ITIH2: variants seen among roughly 807,000 people sequenced by gnomAD.
ITIH2 encodes inter-alpha-trypsin inhibitor heavy chain 2, also known as inter-alpha-trypsin inhibitor heavy chain H2.
A neutral mutation model predicts 104.4 loss-of-function variants in ITIH2; 103 were observed. That is an observed-to-expected ratio of 0.99 (90% CI 0.84 to 1.16). The LOEUF (loss-of-function observed/expected upper bound fraction) is 1.16. ITIH2 is among the 50% of genes most tolerant of loss of function. ITIH2 has a pLI of 0.00. For synonymous variants in ITIH2, 436 were observed against 435.4 expected (o/e 1.00, Z -0.02); for missense variants, 1,108 against 1,162.4 (o/e 0.95, Z 0.68).
chr10:7,706,116 AT>A (rs901616882), intron 2 of ITIH2, among the ~76,000 whole-genome samples: 113 of 151,728 alleles, frequency 7.4e-4, no homozygotes, highest in Non-Finnish European at 1.4e-3. Context: ...AAAATCCAGG[AT>A]TTTTTTTTGT....
At chr10:7,703,563 C>G (rs767561816) in intron 1 of ITIH2, 45 bp downstream of exon 1, 2 of 1,170,850 alleles carry the variant, frequency 1.7e-6, no homozygotes, top group African/African-American at 3.0e-5. Context: ...TGTTCATGAG[C>G]TCAGTAAATC....
chr10:7,705,071 TA>T (rs113278189), intron 1 of ITIH2, 36 bp from the exon 2 acceptor site: 101,077 of 936,090 alleles, frequency 0.11, 171 homozygotes, highest in South Asian at 0.12. Flanking sequence ...ACAGTATAAT[TA>T]AAAAAAAAAA....
Position 7,709,060 on chromosome 10 carries a change from C to A in ITIH2, c.231C>A (p.Val77=), listed in dbSNP as rs200683133. ...VDQVTLYSYK[V]QSTITSRMAT... The stretch of plus-strand genomic sequence containing the variant: ...AAGTAACTCTTTATAGCTATAAAGT[C>A]CAGTCTACTATTACTTCTCGGATGG... The change falls in exon 4 of 21, where the codon GTC becomes GTA. Residue 77 remains valine, a synonymous_variant. Transcript: ENST00000358415. The A allele has an allele frequency of 5.0e-6, 8 of 1,613,864 alleles. No homozygotes were observed. Among genetic ancestry groups the A allele is most frequent in the Non-Finnish European group, 6.8e-6 (8 of 1,179,846 alleles).
chr10:7,717,332 G>C (rs1489897159), intron 5 of ITIH2, among the ~76,000 whole-genome samples: 1 of 152,196 alleles, frequency 6.6e-6, no homozygotes, highest in Non-Finnish European at 1.5e-5. Flanking sequence ...AATGATAGAT[G>C]TCAAATTCCT....
At chr10:7,735,935 A>G (rs1352743043) in intron 15 of ITIH2, among the ~76,000 whole-genome samples, 1 of 152,064 alleles carries the variant, frequency 6.6e-6, no homozygotes, top group Non-Finnish European at 1.5e-5. Flanking sequence ...GGCCTCCCAA[A>G]GTGCTGGGGT....
At position 7,749,477 on chromosome 10, in the gene ITIH2, A is replaced by T; in HGVS notation, c.*143A>T. The T allele has an allele frequency of 1.5e-6, 1 of 659,300 alleles. No individual in the cohort carries two copies. The highest frequency in any genetic ancestry group is 2.5e-6 in the Non-Finnish European group (1 of 395,516). 40.8% of individuals were successfully genotyped at this position (659,300 alleles called of 1,614,324 possible). Reference sequence around the variant, plus strand: ...TGAACCAGATATCAGGGTGGTTTATAAAGCCTGTAAACACACCTAAGAAAA... The same window carrying T: ...TGAACCAGATATCAGGGTGGTTTATTAAGCCTGTAAACACACCTAAGAAAA... On this transcript the variant is annotated 3_prime_UTR_variant, in exon 21 of 21. Transcript: ENST00000358415.
chr10:7,743,598 A>AC (rs898793629), intron 17 of ITIH2, among the ~76,000 whole-genome samples: 6 of 151,476 alleles, frequency 4.0e-5, no homozygotes, highest in Non-Finnish European at 5.9e-5. Context: ...AAATGATGAA[A>AC]CCCCACCCCC....
chr10:7,726,219 G>A (rs1834950212), intron 9 of ITIH2, among the ~76,000 whole-genome samples: 1 of 152,158 alleles, frequency 6.6e-6, no homozygotes, highest in Non-Finnish European at 1.5e-5. Context: ...AGAAAGCTGA[G>A]AAATGAAGAA....
In ITIH2 at chr10:7,723,647, C is replaced by A; in HGVS notation, c.984+80C>A. 4.5e-6 allele frequency: 4 copies of A among 893,150 alleles called. No individual in the cohort carries two copies. In the Admixed American group the frequency reaches 6.9e-5, roughly 15 times the overall value. 55.3% of individuals were successfully genotyped at this position (893,150 alleles called of 1,614,324 possible). A position where few individuals can be genotyped will look rare whatever the true frequency, so the allele number is the denominator to read the frequency against. On this transcript the variant is annotated intron_variant, in intron 9 of 20. Coordinates refer to ENST00000358415, the MANE Select transcript of ITIH2 (RefSeq NM_002216.3). ...CCTCCTAAAAATGCAATCATTCTAT[C>A]CCTCCTCCCTGCTTAGGGCTGAAGC... is the stretch of plus-strand genomic sequence containing the variant.
chr10:7,734,213 G>A (rs896470449), intron 14 of ITIH2, among the ~76,000 whole-genome samples: 5 of 152,150 alleles, frequency 3.3e-5, no homozygotes, highest in Admixed American at 2.6e-4. Flanking sequence ...TGGACTCTGC[G>A]TGATAATGAT....
Position 7,731,955 on chromosome 10 carries a change from G to A in ITIH2, c.1606G>A (p.Ala536Thr), listed in dbSNP as rs1468031435. 1 of 1,613,924 alleles carries A rather than the reference G, an allele frequency of 6.2e-7. No individual in the cohort carries two copies. Residue 536 changes from alanine (A) to threonine (T), a missense_variant, in exon 13 of 21, where the codon GCT becomes ACT. Physicochemically the swap from Ala to Thr is moderately conservative, Grantham distance 58. Transcript: ENST00000358415. ...TGTGGTGGCAGGAAAATTTGACCCT[G>A]CTAAATTGGATCAAATAGAGAGCGT... ...EIVVAGKFDP[A>T]KLDQIESVIT...
chr10:7,734,777 T>C, intron 14 of ITIH2, 145 bp from the exon 15 acceptor site: 1 of 623,026 alleles, frequency 1.6e-6, no homozygotes, highest in Non-Finnish European at 2.8e-6. Flanking sequence ...TCGAAGCCAG[T>C]GAGTTCTGTT....
chr10:7,704,868 C>T (rs930673331), intron 1 of ITIH2, among the ~76,000 whole-genome samples: 1 of 148,926 alleles, frequency 6.7e-6, no homozygotes, highest in African/African-American at 2.5e-5. Flanking sequence ...GGGAGTCGAA[C>T]AACGAGAACA....
At chr10:7,742,511 T>G (rs372216706) in intron 16 of ITIH2, among the ~76,000 whole-genome samples, 14 of 152,236 alleles carry the variant, frequency 9.2e-5, no homozygotes, top group African/African-American at 2.6e-4. Context: ...GAGGCTGAGA[T>G]GGGTGGATCA....
At chr10:7,731,231 A>G (rs1588457537) in intron 12 of ITIH2, among the ~76,000 whole-genome samples, 1 of 148,612 alleles carries the variant, frequency 6.7e-6, no homozygotes, top group African/African-American at 2.4e-5. Flanking sequence ...GCTGACTTTT[A>G]TCATAAGTTT....
intron 3 of ITIH2, among the ~76,000 whole-genome samples, chr10:7,708,609 C>T (rs1447787565): frequency 1.3e-5 from 2 of 152,152 alleles, no homozygotes; most frequent in Non-Finnish European, 2.9e-5. Context: ...GTGACCCCTA[C>T]TAAAGATACA....
At chr10:7,723,116 G>A (rs1834920784) in intron 8 of ITIH2, among the ~76,000 whole-genome samples, 2 of 150,800 alleles carry the variant, frequency 1.3e-5, no homozygotes, top group South Asian at 4.2e-4. Flanking sequence ...GGTGTGGTGT[G>A]GAGCGGAGTG....
In ITIH2 at chr10:7,731,902, T is replaced by A. The variant is rs999915475; in HGVS notation, c.1553T>A (p.Phe518Tyr). The change falls in exon 13 of 21, where the codon TTC (phenylalanine) becomes TAC (tyrosine). Residue 518 changes from phenylalanine to tyrosine, a missense_variant. By Grantham distance (22) the Phe-to-Tyr change is conservative (BLOSUM62 3). Coordinates refer to ENST00000358415, the MANE Select transcript of ITIH2 (RefSeq NM_002216.3). ...GTCACGGACGTCACTCAAAACAATT[T>A]CCATAACTACTTTGGAGGCTCAGAG... ...TSVTDVTQNN[F>Y]HNYFGGSEIV... 1 of 1,613,942 alleles carries A rather than the reference T, an allele frequency of 6.2e-7. No homozygotes were observed. Among genetic ancestry groups the A allele is most frequent in the African/African-American group, 1.3e-5 (1 of 74,888 alleles).
intron 17 of ITIH2, among the ~76,000 whole-genome samples, chr10:7,743,724 T>C (rs1835148388): frequency 6.6e-6 from 1 of 152,124 alleles, no homozygotes; most frequent in Non-Finnish European, 1.5e-5. Flanking sequence ...GAGGTTGCAG[T>C]GAGCCAAGAT....
Sources: gnomAD v4.1 joint callset for allele counts (sites outside exome capture counted in the v4.1 genomes callset) on GRCh38, gnomAD v4.1.1 for gene constraint, MANE v1.5 for transcripts, NCBI Gene and HGNC (gene_info 2026-07-23, HGNC 2026-07-21) for gene names.